Variants in CLASP1 observed in about 807,000 individuals in gnomAD.
CLASP1 encodes the protein cytoplasmic linker associated protein 1.
Under a neutral mutation model 192.3 loss-of-function variants are expected in CLASP1, and 38 were observed. The observed-to-expected ratio is 0.20, with a 90% CI of 0.15 to 0.26. The LOEUF (loss-of-function observed/expected upper bound fraction) is 0.26. Ranked by LOEUF, CLASP1 falls within the 10% of genes least tolerant of loss-of-function variation. The probability of loss-of-function intolerance (pLI) is 1.00; values close to 1 mark genes in which losing one functional copy is unlikely to be tolerated. For synonymous variants in CLASP1, 691 were observed against 712.8 expected (o/e 0.97, Z 0.49); for missense variants, 1,433 against 1,932.5 (o/e 0.74, Z 4.85).
rs287788 is a variant in CLASP1, at chr2:121,615,739, G to A, written c.-285-9559C>T. On this transcript the variant is annotated intron_variant, in intron 1 of 39. Coordinates refer to ENST00000263710, the Ensembl canonical transcript of CLASP1. ...GTGCAAGTTGCAGTGAGCCAAGATC[G>A]TGCCACTGCACTCCAGCCTGGGTGA... Among the ~76,000 whole-genome samples the A allele has an allele frequency of 2.5e-3, 386 of 152,008 alleles. 2 individuals are homozygous for A. Among genetic ancestry groups the A allele is most frequent in the African/African-American group, 8.6e-3 (358 of 41,456 alleles).
chr2:121,530,507 T>C, intron 2 of CLASP1, 182 bp from the exon 3 acceptor site: 1 of 587,916 alleles, frequency 1.7e-6, no homozygotes, highest in East Asian at 2.8e-5. Context: ...AAAAGAGCTA[T>C]GTACAGCTAT....
At chr2:121,618,423 C>T (rs1360833587) in intron 1 of CLASP1, among the ~76,000 whole-genome samples, 1 of 152,104 alleles carries the variant, frequency 6.6e-6, no homozygotes, top group Non-Finnish European at 1.5e-5. Context: ...CAAGAGTGTG[C>T]GGCCTGTTCA....
intron 1 of CLASP1, among the ~76,000 whole-genome samples, chr2:121,614,323 C>T (rs2066110127): frequency 6.6e-6 from 1 of 152,106 alleles, no homozygotes; most frequent in Non-Finnish European, 1.5e-5. Context: ...TGGTGAAACC[C>T]CATCTCTACT....
At chr2:121,513,295 A>C (rs2094192555) in intron 7 of CLASP1, among the ~76,000 whole-genome samples, 1 of 152,232 alleles carries the variant, frequency 6.6e-6, no homozygotes, top group South Asian at 2.1e-4. Context: ...ATGGATGTGA[A>C]GGGTGTGGGT....
chr2:121,455,147 G>T (rs1042419445), intron 14 of CLASP1, among the ~76,000 whole-genome samples: 3 of 152,170 alleles, frequency 2.0e-5, no homozygotes, highest in Admixed American at 2.0e-4. Flanking sequence ...ATTCCCTGGG[G>T]TACGCACTTG....
exon 36 of CLASP1, chr2:121,365,191 T>A: frequency 6.2e-7 from 1 of 1,613,848 alleles, no homozygotes; most frequent in Non-Finnish European, 8.5e-7. Context: ...CTTGAGCAGC[T>A]CCAGCAGGGC....
In CLASP1 at chr2:121,485,602, G is replaced by A. The variant is rs114142624; in HGVS notation, c.713-15642C>T. 7.3e-3 allele frequency among the ~76,000 whole-genome samples: 1,117 copies of A among 152,158 alleles called. 20 individuals carry two copies. The highest frequency in any genetic ancestry group is 0.026 in the African/African-American group (1,064 of 41,498). ...CCATGAGCTGGGTACGGTGGCTCACGCCTGTAATCTCAGCACTTTGGGAGG... is the reference window on the plus strand; with the variant it reads ...CCATGAGCTGGGTACGGTGGCTCACACCTGTAATCTCAGCACTTTGGGAGG... On this transcript the variant is annotated intron_variant, in intron 8 of 39. Coordinates refer to ENST00000263710, the Ensembl canonical transcript of CLASP1.
Position 121,457,861 on chromosome 2 carries a change from T to C in CLASP1, c.1315-104A>G, listed in dbSNP as rs1217251570. 1.2e-5 allele frequency: 9 copies of C among 720,856 alleles called. No individual in the cohort carries two copies. In the South Asian group the frequency reaches 1.5e-4, roughly 12 times the overall value. The allele number at this position is 720,856 out of a possible 1,614,324, so 44.7% of individuals were successfully genotyped here. A position where few individuals can be genotyped will look rare whatever the true frequency, so the allele number is the denominator to read the frequency against. Reference sequence around the variant, plus strand: ...CTAACCTACTTATAGCACATATATATTCAGATTAGAATGTCAGTGAGTTTT... The same window carrying C: ...CTAACCTACTTATAGCACATATATACTCAGATTAGAATGTCAGTGAGTTTT... On this transcript the variant is annotated intron_variant, in intron 13 of 39. Transcript: ENST00000263710.
At chr2:121,537,908 A>G (rs930977494) in intron 2 of CLASP1, among the ~76,000 whole-genome samples, 3 of 152,214 alleles carry the variant, frequency 2.0e-5, no homozygotes, top group African/African-American at 7.2e-5. Context: ...CACTGCATTC[A>G]TGATTAAAAA....
exon 40 of CLASP1, chr2:121,337,980 C>A (rs2062476456): frequency 6.6e-6 from 1 of 152,092 alleles, no homozygotes; most frequent in Non-Finnish European, 1.5e-5. Flanking sequence ...ACAAAAAAAC[C>A]CACCCAACCT....
chr2:121,497,268 T>C (rs1050283833), intron 8 of CLASP1, among the ~76,000 whole-genome samples: 3 of 152,148 alleles, frequency 2.0e-5, no homozygotes, highest in African/African-American at 7.2e-5. Context: ...GTATCAAAAA[T>C]GACACCCAAT....
chr2:121,438,651 G>A, intron 19 of CLASP1, among the ~76,000 whole-genome samples: 1 of 152,028 alleles, frequency 6.6e-6, no homozygotes, highest in Non-Finnish European at 1.5e-5. Context: ...TGCGTATATT[G>A]AACCAGCCTT....
chr2:121,623,037 A>C (rs2067651837), intron 1 of CLASP1, among the ~76,000 whole-genome samples: 1 of 152,148 alleles, frequency 6.6e-6, no homozygotes, highest in Non-Finnish European at 1.5e-5. Flanking sequence ...CAGCCTGGGC[A>C]ACATAGTAAA....
chr2:121,535,599 AAAG>A (rs1410832921), intron 2 of CLASP1, among the ~76,000 whole-genome samples: 1 of 152,224 alleles, frequency 6.6e-6, no homozygotes, highest in East Asian at 1.9e-4. Context: ...TGGAATTTAA[AAAG>A]AAGAAATGAG....
At chr2:121,530,963 CAT>C in intron 2 of CLASP1, 1 of 700,430 alleles carries the variant, frequency 1.4e-6, no homozygotes, top group South Asian at 1.5e-5. Context: ...AACACACCCG[CAT>C]CAACTAGAGC....
At chr2:121,613,603 A>C (rs1379060578) in intron 1 of CLASP1, among the ~76,000 whole-genome samples, 1 of 146,956 alleles carries the variant, frequency 6.8e-6, no homozygotes, top group Non-Finnish European at 1.5e-5. Context: ...AAGAATGAAA[A>C]AGCACATGCA....
At chr2:121,377,457 T>C (rs553814950) in intron 34 of CLASP1, 42 bp downstream of exon 35, 2 of 1,478,066 alleles carry the variant, frequency 1.4e-6, no homozygotes. Context: ...TTATCTGTCA[T>C]TTAACTCATA....
intron 33 of CLASP1, among the ~76,000 whole-genome samples, chr2:121,378,973 A>G (rs2070954588): frequency 6.6e-6 from 1 of 151,830 alleles, no homozygotes; most frequent in South Asian, 2.1e-4. Flanking sequence ...GCCTTAAAAA[A>G]AAAAAAAAAA....
At chr2:121,436,719 T>C (rs1458275848) in intron 19 of CLASP1, among the ~76,000 whole-genome samples, 1 of 152,112 alleles carries the variant, frequency 6.6e-6, no homozygotes, top group African/African-American at 2.4e-5. Flanking sequence ...CTTTAGTGTC[T>C]TTCATCAATT....
Sources: allele counts gnomAD v4.1 joint callset (sites outside exome capture counted in the v4.1 genomes callset), GRCh38; gene constraint gnomAD v4.1.1; transcripts MANE v1.5; gene names NCBI Gene and HGNC (gene_info 2026-07-23, HGNC 2026-07-21).